Variants in ATR observed in about 807,000 individuals in gnomAD.
ATR encodes ATR checkpoint kinase.
A neutral mutation model predicts 305.3 loss-of-function variants in ATR; 142 were observed. The observed-to-expected ratio is 0.47, with a 90% CI of 0.41 to 0.53. The LOEUF (loss-of-function observed/expected upper bound fraction) is 0.53, where lower values mean the gene tolerates loss of function less well. ATR is among the 20% of genes least tolerant of loss of function. The pLI is 0.00. For synonymous variants in ATR, 1,050 were observed against 1,068.1 expected (o/e 0.98, Z 0.33); for missense variants, 2,135 against 3,133.1 (o/e 0.68, Z 7.60).
intron 16 of ATR, among the ~76,000 whole-genome samples, chr3:142,544,349 G>A (rs2034178584): frequency 6.7e-6 from 1 of 149,332 alleles, no homozygotes; most frequent in East Asian, 2.0e-4. Flanking sequence ...CTACTCAGGA[G>A]GCTGAGGTGG....
At position 142,535,176 on chromosome 3, in the gene ATR, T is replaced by C; in HGVS notation, c.3849A>G (p.Thr1283=). Residue 1283 remains threonine, a synonymous_variant, in exon 21 of 47, where the codon ACA becomes ACG. Coordinates refer to ENST00000350721, the MANE Select transcript of ATR (RefSeq NM_001184.4). ...TGGCCTTCATAGAGAGCTGAAGAGTTGTCTGAAGATCAGTGCTCTCAGAGG... is the reference window on the plus strand; with the variant it reads ...TGGCCTTCATAGAGAGCTGAAGAGTCGTCTGAAGATCAGTGCTCTCAGAGG... ...KETSESTDLQ[T]TLQLSMKAIQ... The C allele has an allele frequency of 6.2e-7, 1 of 1,613,268 alleles. No individual in the cohort carries two copies.
rs1366307344 is a variant in ATR at position 142,484,571 on chromosome 3, T to C, written c.6221+569A>G. Among the ~76,000 whole-genome samples the C allele has an allele frequency of 9.2e-5, 14 of 152,178 alleles. No homozygotes were observed. The East Asian group carries it at 2.1e-3, about 23-fold the overall frequency. On this transcript the variant is annotated intron_variant, in intron 36 of 46. Coordinates refer to ENST00000350721, the MANE Select transcript of ATR (RefSeq NM_001184.4). Reference sequence around the variant, plus strand: ...CTTTAAAATATCTTTCTTAATAAACTAGTAAAAATGTTTCCCTGAGTTCTG... The same window carrying C: ...CTTTAAAATATCTTTCTTAATAAACCAGTAAAAATGTTTCCCTGAGTTCTG...
At chr3:142,547,231 T>C (rs1345056640) in intron 16 of ATR, among the ~76,000 whole-genome samples, 1 of 152,146 alleles carries the variant, frequency 6.6e-6, no homozygotes, top group Non-Finnish European at 1.5e-5. Context: ...ATTTCCAAAC[T>C]TCCCTTCTAT....
chr3:142,504,125 G>A (rs964528121), intron 29 of ATR, among the ~76,000 whole-genome samples: 1 of 152,284 alleles, frequency 6.6e-6, no homozygotes, highest in East Asian at 1.9e-4. Context: ...AAATTAGAAA[G>A]AATCTAAAGG....
chr3:142,539,492 CTT>C (rs1038695266), intron 18 of ATR, among the ~76,000 whole-genome samples: 39 of 152,044 alleles, frequency 2.6e-4, no homozygotes, highest in Non-Finnish European at 5.1e-4. Flanking sequence ...AATAATCAAA[CTT>C]ATAAAAATCT....
In ATR at chr3:142,453,241, T is replaced by G. The variant is rs922541485; in HGVS notation, c.7656-8A>C. 1.1e-5 allele frequency: 18 copies of G among 1,610,802 alleles called. No individual in the cohort carries two copies. The highest frequency in any genetic ancestry group is 1.4e-5 in the Non-Finnish European group (17 of 1,177,056). On this transcript the variant is annotated splice_polypyrimidine_tract_variant and splice_region_variant and intron_variant, in intron 45 of 46. Transcript: ENST00000350721. ...AGAAAAGTCTTTAAGACACTAAAAT[T>G]GAAACAAATATTATGGTATGATGTT...
chr3:142,506,612 G>A (rs56875393), intron 28 of ATR, among the ~76,000 whole-genome samples: 1,875 of 152,214 alleles, frequency 0.012, 41 homozygotes, highest in African/African-American at 0.042. Context: ...CCTTGAGCCT[G>A]GGAGGTGGAG....
chr3:142,556,414 T>C lies in ATR; in HGVS notation c.2047A>G (p.Asn683Asp), dbSNP rs140952649. The C allele has an allele frequency of 3.1e-6, 5 of 1,614,002 alleles. No individual in the cohort carries two copies. The highest frequency in any genetic ancestry group is 1.3e-5 in the African/African-American group (1 of 74,920). ...SGFFILLQQQ[N>D]SCNRVPKILI... ...ATCTTGGGAACTCTGTTACAAGAATTCTGCTGCTGCAATAAGATAAAAAAT... is the reference window on the plus strand; with the variant it reads ...ATCTTGGGAACTCTGTTACAAGAATCCTGCTGCTGCAATAAGATAAAAAAT... The change falls in exon 9 of 47, where the codon AAT becomes GAT. Residue 683 changes from asparagine (N) to aspartate (D), a missense_variant. Around this residue, in one of 9 missense-constraint regions of ATR, gnomAD observed 744 missense variants for 873.2 expected, o/e 0.85. Coordinates refer to ENST00000350721, the MANE Select transcript of ATR (RefSeq NM_001184.4).
At chr3:142,533,754 C>T (rs1006978759) in intron 21 of ATR, among the ~76,000 whole-genome samples, 129 of 152,094 alleles carry the variant, frequency 8.5e-4, no homozygotes, top group African/African-American at 2.8e-3. Context: ...TAATAATATA[C>T]GGCTATTATA....
At chr3:142,549,378 T>C in intron 15 of ATR, 101 bp downstream of exon 15, 1 of 749,268 alleles carries the variant, frequency 1.3e-6, no homozygotes, top group Non-Finnish European at 2.1e-6. Flanking sequence ...TCTTCTAGGA[T>C]AGGCTATAAT....
intron 2 of ATR, among the ~76,000 whole-genome samples, chr3:142,567,034 G>A (rs752371029): frequency 2.6e-5 from 4 of 152,086 alleles, no homozygotes; most frequent in African/African-American, 7.2e-5. Context: ...GTGAGCCACC[G>A]TGCCCAGCCA....
Position 142,555,237 on chromosome 3 carries a change from G to A in ATR, c.2341+640C>T, listed in dbSNP as rs565498686. On this transcript the variant is annotated intron_variant, in intron 10 of 46. Transcript: ENST00000350721. ...GGCAACAAGAGCAAAACTCCGTCTCGGGGAAAAAAAAAAAAAGAAAAAAAG... is the reference window on the plus strand; with the variant it reads ...GGCAACAAGAGCAAAACTCCGTCTCAGGGAAAAAAAAAAAAAGAAAAAAAG... Among the ~76,000 whole-genome samples, 4 of 61,588 alleles carry A rather than the reference G, an allele frequency of 6.5e-5. No homozygotes were observed. In the South Asian group the frequency reaches 1.1e-3, roughly 17 times the overall value. The allele number at this position is 61,588 out of a possible 152,430, so 40.4% of individuals were successfully genotyped here.
intron 5 of ATR, 87 bp from the exon 6 acceptor site, chr3:142,560,541 T>C: frequency 2.3e-6 from 3 of 1,328,070 alleles, no homozygotes; most frequent in Middle Eastern, 2.4e-4. Context: ...AAACATACTA[T>C]GTAATATCAA....
chr3:142,544,484 A>C, intron 16 of ATR, among the ~76,000 whole-genome samples: 1 of 147,980 alleles, frequency 6.8e-6, no homozygotes, highest in East Asian at 2.0e-4. Context: ...AAAAAAAGAT[A>C]CCATTCACTA....
chr3:142,556,289 A>G, intron 9 of ATR, 94 bp downstream of exon 9: 1 of 1,487,820 alleles, frequency 6.7e-7, no homozygotes, highest in Non-Finnish European at 9.2e-7. Flanking sequence ...TTTGCTTTAC[A>G]TATTCAACAA....
At position 142,473,929 on chromosome 3, in the gene ATR, A is replaced by C. The variant is rs2071365301; in HGVS notation, c.6222-3746T>G. ...GGATTTTTTTTTCTACTTCTGTGAA[A>C]AAAGTTATTGGATTTTTTTTTTTTT... On this transcript the variant is annotated intron_variant, in intron 36 of 46. Coordinates refer to ENST00000350721, the MANE Select transcript of ATR (RefSeq NM_001184.4). Among the ~76,000 whole-genome samples, 3 of 147,166 alleles carry C rather than the reference A, an allele frequency of 2.0e-5. No individual in the cohort carries two copies. The Admixed American group carries it at 2.1e-4, about 10-fold the overall frequency.
chr3:142,504,906 G>T (rs952171946), intron 29 of ATR, among the ~76,000 whole-genome samples: 7 of 152,242 alleles, frequency 4.6e-5, no homozygotes, highest in Admixed American at 6.5e-5. Flanking sequence ...GCTGGATGTG[G>T]TGTGGTGGCA....
chr3:142,464,862 G>A (rs1292145418), intron 41 of ATR, among the ~76,000 whole-genome samples: 2 of 152,012 alleles, frequency 1.3e-5, no homozygotes, highest in Non-Finnish European at 2.9e-5. Context: ...ACTGTCAAAT[G>A]TTAAGTTTTA....
At chr3:142,485,769 C>T (rs1210104949) in intron 35 of ATR, among the ~76,000 whole-genome samples, 1 of 152,094 alleles carries the variant, frequency 6.6e-6, no homozygotes, top group Non-Finnish European at 1.5e-5. Context: ...TGTTTTTCTC[C>T]AAGATCTCTC....
Sources: gnomAD v4.1 joint callset for allele counts (sites outside exome capture counted in the v4.1 genomes callset) on GRCh38, gnomAD v4.1.1 for gene constraint, gnomAD v4.1.1 regional missense constraint, MANE v1.5 for transcripts, NCBI Gene and HGNC (gene_info 2026-07-23, HGNC 2026-07-21) for gene names.